Variants in CECR2 observed in about 807,000 individuals in gnomAD.
CECR2 encodes the protein chromatin remodeling regulator CECR2.
Under a neutral mutation model 154.5 loss-of-function variants are expected in CECR2, and 30 were observed. The observed-to-expected ratio is 0.19, with a 90% CI of 0.15 to 0.26. The LOEUF is 0.26. Among genes scored for constraint, CECR2 ranks in the 10% least tolerant of loss-of-function variants. CECR2 has a pLI of 1.00. For missense variants in CECR2, 1,743 were observed against 1,829.3 expected, an observed-to-expected ratio of 0.95 and a Z score of 0.86; for synonymous variants, 725 against 683.7, an observed-to-expected ratio of 1.06 and a Z score of -0.94.
Position 17,540,415 on chromosome 22 carries a change from A to G in CECR2, c.1499A>G (p.Tyr500Cys), listed in dbSNP as rs1474378338. 3 of 1,541,546 alleles carry G rather than the reference A, an allele frequency of 1.9e-6. No homozygotes were observed. The highest frequency in any genetic ancestry group is 2.3e-5 in the East Asian group (1 of 44,194). Residue 500 changes from tyrosine (Y) to cysteine (C), a missense_variant, in exon 14 of 19, where the codon TAT becomes TGT. Coordinates refer to ENST00000262608, the MANE Select transcript of CECR2 (RefSeq NM_001290047.2). ...CRKYNGESSE[Y>C]TKMSDNLERC... ...CAATCCTCCTGTCTTCCTATAGAGTATACCAAGATGTCTGATAATTTAGAG... is the reference window on the plus strand; with the variant it reads ...CAATCCTCCTGTCTTCCTATAGAGTGTACCAAGATGTCTGATAATTTAGAG...
intron 1 of CECR2, among the ~76,000 whole-genome samples, chr22:17,446,195 A>G (rs895495696): frequency 4.6e-5 from 7 of 152,170 alleles, no homozygotes; most frequent in Non-Finnish European, 1.0e-4. Flanking sequence ...CTGGAGCAGT[A>G]GTTGTTTTAT....
At chr22:17,421,692 C>T (rs779482026) in intron 1 of CECR2, among the ~76,000 whole-genome samples, 22 of 143,704 alleles carry the variant, frequency 1.5e-4, no homozygotes, top group Non-Finnish European at 2.4e-4. Flanking sequence ...ACTCAGGAGG[C>T]TGAGGCAGAA....
rs765182531 is a variant in CECR2 at position 17,435,928 on chromosome 22, C to G, written c.127-41660C>G. 7.9e-5 allele frequency among the ~76,000 whole-genome samples: 12 copies of G among 152,110 alleles called. No individual in the cohort carries two copies. In the South Asian group the frequency reaches 1.2e-3, roughly 16 times the overall value. ...GGTAAATTTTTTGAAACTTTAGTTT[C>G]TTTCTTTTCTTTTCTTTACCTTCTT... is the stretch of plus-strand genomic sequence containing the variant. On this transcript the variant is annotated intron_variant, in intron 1 of 18. Transcript: ENST00000262608.
intron 1 of CECR2, among the ~76,000 whole-genome samples, chr22:17,452,427 G>A (rs777254193): frequency 1.3e-5 from 2 of 152,162 alleles, no homozygotes; most frequent in Non-Finnish European, 2.9e-5. Flanking sequence ...TCTGGTATGT[G>A]TGGAGAGAAT....
At chr22:17,486,388 G>A (rs1345299076) in intron 2 of CECR2, among the ~76,000 whole-genome samples, 1 of 152,226 alleles carries the variant, frequency 6.6e-6, no homozygotes. Context: ...GTAAGGCGTG[G>A]GGCTGGACTC....
intron 1 of CECR2, among the ~76,000 whole-genome samples, chr22:17,399,474 G>A (rs1355293297): frequency 6.8e-6 from 1 of 147,392 alleles, no homozygotes; most frequent in Non-Finnish European, 1.5e-5. Context: ...CTGGAGTGCC[G>A]TGGCGTGATC....
intron 1 of CECR2, among the ~76,000 whole-genome samples, chr22:17,378,509 G>A (rs2063147446): frequency 6.6e-6 from 1 of 152,022 alleles, no homozygotes; most frequent in South Asian, 2.1e-4. Context: ...TGTTAGCCAG[G>A]ATGGTCGCAA....
intron 1 of CECR2, among the ~76,000 whole-genome samples, chr22:17,407,455 C>CA (rs1233786612): frequency 6.6e-6 from 1 of 152,102 alleles, no homozygotes; most frequent in Non-Finnish European, 1.5e-5. Flanking sequence ...ATTCGCCAGG[C>CA]ACGGTGGCGG....
chr22:17,405,248 A>C (rs908710361), intron 1 of CECR2, among the ~76,000 whole-genome samples: 1 of 151,876 alleles, frequency 6.6e-6, no homozygotes, highest in Non-Finnish European at 1.5e-5. Flanking sequence ...TGTCTCTACT[A>C]AAAAATACAA....
intron 1 of CECR2, among the ~76,000 whole-genome samples, chr22:17,456,266 C>A (rs1319111344): frequency 6.6e-6 from 1 of 152,098 alleles, no homozygotes; most frequent in Admixed American, 6.6e-5. Flanking sequence ...TTAATCCCAA[C>A]ATCATAGTTT....
At chr22:17,502,053 G>A (rs1222456206) in intron 5 of CECR2, among the ~76,000 whole-genome samples, 4 of 152,192 alleles carry the variant, frequency 2.6e-5, no homozygotes, top group African/African-American at 7.2e-5. Context: ...AACTTTAATC[G>A]AAAACAAGCG....
chr22:17,501,866 T>C (rs2055744391), intron 5 of CECR2, among the ~76,000 whole-genome samples: 1 of 152,194 alleles, frequency 6.6e-6, no homozygotes, highest in Non-Finnish European at 1.5e-5. Flanking sequence ...CATGGACTTG[T>C]GCTACCCTCT....
chr22:17,532,177 A>AGGG (rs1313329384), intron 9 of CECR2, among the ~76,000 whole-genome samples: 1 of 152,134 alleles, frequency 6.6e-6, no homozygotes, highest in Non-Finnish European at 1.5e-5. Flanking sequence ...AAAAAAAGGA[A>AGGG]GGGGTGGGTA....
chr22:17,405,526 G>C (rs2053969904), intron 1 of CECR2, among the ~76,000 whole-genome samples: 2 of 149,924 alleles, frequency 1.3e-5, no homozygotes, highest in African/African-American at 4.9e-5. Context: ...TGTGATCCCA[G>C]CTACTCCAGA....
intron 1 of CECR2, among the ~76,000 whole-genome samples, chr22:17,460,870 T>A (rs1447554975): frequency 6.6e-6 from 1 of 152,232 alleles, no homozygotes; most frequent in Non-Finnish European, 1.5e-5. Flanking sequence ...AAATCTTTAT[T>A]TTCTTGCCTA....
intron 1 of CECR2, among the ~76,000 whole-genome samples, chr22:17,427,130 G>GC (rs2054343768): frequency 6.6e-6 from 1 of 151,856 alleles, no homozygotes; most frequent in African/African-American, 2.4e-5. Flanking sequence ...CTGTCCTTGT[G>GC]ATAGTTTGAT....
chr22:17,503,112 C>T lies in CECR2; in HGVS notation c.681C>T (p.Ser227=), dbSNP rs775148571. Reference sequence around the variant, plus strand: ...AGCAGGAAGAAAATTCCTTGGCATCCGAGCCACAGACAAGACATGGTAATG... The same window carrying T: ...AGCAGGAAGAAAATTCCTTGGCATCTGAGCCACAGACAAGACATGGTAATG... ...SEKQEENSLA[S]EPQTRHGSQG... is the part of the protein sequence containing the mutation. The change falls in exon 6 of 19, where the codon TCC becomes TCT. Residue 227 remains serine (S), a synonymous_variant. Coordinates refer to ENST00000262608, the MANE Select transcript of CECR2 (RefSeq NM_001290047.2). The T allele has an allele frequency of 6.7e-5, 106 of 1,589,312 alleles. No homozygotes were observed. Among genetic ancestry groups the T allele is most frequent in the African/African-American group, 1.9e-4 (14 of 73,862 alleles).
intron 2 of CECR2, among the ~76,000 whole-genome samples, 172 bp from the exon 3 acceptor site, chr22:17,497,231 A>T (rs1037543779): frequency 2.0e-5 from 3 of 152,158 alleles, no homozygotes; most frequent in African/African-American, 4.8e-5. Flanking sequence ...GGAGAGCTGC[A>T]GTGAGCTGAG....
chr22:17,374,527 A>G (rs1269818322), intron 1 of CECR2, among the ~76,000 whole-genome samples: 1 of 152,180 alleles, frequency 6.6e-6, no homozygotes, highest in Non-Finnish European at 1.5e-5. Flanking sequence ...CTCTCATCAC[A>G]TTCTGGAAGC....
Sources: allele counts gnomAD v4.1 joint callset (sites outside exome capture counted in the v4.1 genomes callset), GRCh38; gene constraint gnomAD v4.1.1; transcripts MANE v1.5; gene names NCBI Gene and HGNC (gene_info 2026-07-23, HGNC 2026-07-21).